The following TMEM132C variants were observed in gnomAD, a reference collection of about 807,000 sequenced individuals.
The protein encoded by TMEM132C is transmembrane protein 132C.
In TMEM132C, 29 loss-of-function variants were observed where a neutral mutation model predicts 61.4. That is an observed-to-expected ratio of 0.47 (90% CI 0.35 to 0.64). The LOEUF is 0.64. Among genes scored for constraint, TMEM132C ranks in the 30% least tolerant of loss-of-function variants. The pLI is 0.00. For missense variants in TMEM132C, 1,408 were observed against 1,476.9 expected, an observed-to-expected ratio of 0.95 and a Z score of 0.76; for synonymous variants, 656 against 633.1, an observed-to-expected ratio of 1.04 and a Z score of -0.54.
At chr12:128,550,707 A>G (rs924038505) in intron 3 of TMEM132C, among the ~76,000 whole-genome samples, 7 of 152,186 alleles carry the variant, frequency 4.6e-5, no homozygotes, top group Admixed American at 6.5e-5. Flanking sequence ...CTCCAAATAT[A>G]GTCACACTGG....
intron 1 of TMEM132C, among the ~76,000 whole-genome samples, chr12:128,347,707 C>T (rs771826909): frequency 1.3e-5 from 2 of 152,182 alleles, no homozygotes; most frequent in Non-Finnish European, 2.9e-5. Context: ...GGATTACAGG[C>T]GTGAGCCACC....
chr12:128,293,416 C>T (rs901983198), intron 1 of TMEM132C, among the ~76,000 whole-genome samples: 12 of 152,158 alleles, frequency 7.9e-5, no homozygotes, highest in Admixed American at 7.9e-4. Context: ...CTTAGTTGTA[C>T]ACACCACCCA....
chr12:128,636,228 T>A (rs115773205), intron 4 of TMEM132C, among the ~76,000 whole-genome samples: 3,132 of 151,704 alleles, frequency 0.021, 117 homozygotes, highest in African/African-American at 0.072. Flanking sequence ...TTTTTTAAAA[T>A]TTTTTTTAGA....
At chr12:128,388,718 G>A (rs1002426272) in intron 1 of TMEM132C, among the ~76,000 whole-genome samples, 3 of 152,262 alleles carry the variant, frequency 2.0e-5, no homozygotes, top group Non-Finnish European at 4.4e-5. Flanking sequence ...CTCCAAGGAG[G>A]CTTGGGCCGT....
chr12:128,344,832 A>G (rs2630224), intron 1 of TMEM132C, among the ~76,000 whole-genome samples: 130,704 of 152,024 alleles, frequency 0.86, 57,654 homozygotes, highest in East Asian at 1. Context: ...AGATCTAGAT[A>G]TCCAAATTGT....
intron 7 of TMEM132C, among the ~76,000 whole-genome samples, chr12:128,696,384 C>G (rs1954764258): frequency 1.3e-5 from 2 of 152,188 alleles, no homozygotes. Context: ...TCTGATTCTC[C>G]TTCTTAGTCC....
Position 128,473,578 on chromosome 12 carries a change from A to G in TMEM132C, c.974+57958A>G, listed in dbSNP as rs867936413. ...CATCTTCATCCTTACTCCAGCCTCT[A>G]TTTTCATCTTCACTCCAGCCTCTAT... On this transcript the variant is annotated intron_variant, in intron 2 of 8. Transcript: ENST00000435159. Among the ~76,000 whole-genome samples, 442 of 112,900 alleles carry G rather than the reference A, an allele frequency of 3.9e-3. 2 individuals carry two copies. The Middle Eastern group carries it at 0.047, about 12-fold the overall frequency. The allele number at this position is 112,900 out of a possible 152,430, so 74.1% of individuals were successfully genotyped here.
Position 128,298,289 on chromosome 12 carries a change from C to T in TMEM132C, c.85+30802C>T, listed in dbSNP as rs932721383. On this transcript the variant is annotated intron_variant, in intron 1 of 8. Coordinates refer to ENST00000435159, the MANE Select transcript of TMEM132C (RefSeq NM_001136103.3). The stretch of plus-strand genomic sequence containing the variant: ...CCAGCCTCAGGTTCTCCCGCCCTCT[C>T]CTCCCCCGGGCCATGTGCATTGTGT... Among the ~76,000 whole-genome samples the T allele has an allele frequency of 7.2e-4, 110 of 152,344 alleles. 1 individual carries two copies. Among genetic ancestry groups the T allele is most frequent in the African/African-American group, 2.6e-3 (107 of 41,580 alleles).
rs1873576496 is a variant in TMEM132C at position 128,358,081 on chromosome 12, A to C, written c.86-56651A>C. On this transcript the variant is annotated intron_variant, in intron 1 of 8. Transcript: ENST00000435159. ...CTGTGGGGAGAGACCCCTGTGAGCCATTCGAGGTTTGAATCCCCTCTGGGG... is the reference window on the plus strand; with the variant it reads ...CTGTGGGGAGAGACCCCTGTGAGCCCTTCGAGGTTTGAATCCCCTCTGGGG... 2.6e-5 allele frequency among the ~76,000 whole-genome samples: 4 copies of C among 151,998 alleles called. No individual in the cohort carries two copies. In the South Asian group the frequency reaches 8.3e-4, roughly 32 times the overall value.
chr12:128,344,935 TTTTTTTTA>T (rs1218817462), intron 1 of TMEM132C, among the ~76,000 whole-genome samples: 1 of 151,412 alleles, frequency 6.6e-6, no homozygotes, highest in Non-Finnish European at 1.5e-5. Flanking sequence ...CTTTTTTTTT[TTTTTTTTA>T]AATTTCCAGC....
At chr12:128,327,167 A>G (rs1872548049) in intron 1 of TMEM132C, among the ~76,000 whole-genome samples, 1 of 150,026 alleles carries the variant, frequency 6.7e-6, no homozygotes, top group Admixed American at 6.6e-5. Context: ...AGATTGCTTA[A>G]TAAGGAAGAC....
At chr12:128,518,200 T>G (rs1466053336) in intron 2 of TMEM132C, among the ~76,000 whole-genome samples, 2 of 152,252 alleles carry the variant, frequency 1.3e-5, no homozygotes, top group Non-Finnish European at 2.9e-5. Flanking sequence ...GGCCACTGAT[T>G]TATTTGTGCA....
chr12:128,507,398 CTTTCTT>C (rs1653008143), intron 2 of TMEM132C, among the ~76,000 whole-genome samples: 2 of 106,542 alleles, frequency 1.9e-5, no homozygotes, highest in African/African-American at 3.9e-5. Flanking sequence ...TTTTTTTTTT[CTTTCTT>C]TTTTTTTTTT....
chr12:128,391,431 C>A (rs1251925293), intron 1 of TMEM132C, among the ~76,000 whole-genome samples: 1 of 152,180 alleles, frequency 6.6e-6, no homozygotes, highest in African/African-American at 2.4e-5. Flanking sequence ...CATGTATTCC[C>A]CTCAGGAAAG....
intron 1 of TMEM132C, among the ~76,000 whole-genome samples, chr12:128,273,680 C>A (rs1302634906): frequency 1.3e-5 from 2 of 152,042 alleles, no homozygotes; most frequent in African/African-American, 2.4e-5. Context: ...CCACTATTGG[C>A]TTATTATTTA....
intron 3 of TMEM132C, among the ~76,000 whole-genome samples, chr12:128,544,665 A>C (rs563550648): frequency 4.6e-5 from 7 of 152,326 alleles, no homozygotes; most frequent in Non-Finnish European, 8.8e-5. Flanking sequence ...ATGTGCCAAT[A>C]TCCTTCCTAC....
intron 1 of TMEM132C, among the ~76,000 whole-genome samples, chr12:128,279,314 TC>T (rs1243197643): frequency 6.6e-5 from 10 of 152,168 alleles, no homozygotes; most frequent in African/African-American, 2.4e-4. Context: ...CTGCTAATCC[TC>T]TAGAGACAGT....
intron 2 of TMEM132C, among the ~76,000 whole-genome samples, chr12:128,434,151 C>T (rs925816497): frequency 6.6e-6 from 1 of 152,186 alleles, no homozygotes; most frequent in African/African-American, 2.4e-5. Context: ...AACTAAAATG[C>T]CTTCAGCTGC....
rs572497851 is a variant in TMEM132C, at chr12:128,704,833, T to A, written c.2122-257T>A. On this transcript the variant is annotated intron_variant, in intron 8 of 8. Transcript: ENST00000435159. ...CCCGGAGCCTCATCTCACTTAGGGATTTTTGTTTTGCCATTTGTTTGTTCT... is the reference window on the plus strand; with the variant it reads ...CCCGGAGCCTCATCTCACTTAGGGAATTTTGTTTTGCCATTTGTTTGTTCT... Among the ~76,000 whole-genome samples the A allele has an allele frequency of 1.1e-4, 16 of 152,230 alleles. No individual in the cohort carries two copies. The South Asian group carries it at 3.1e-3, about 30-fold the overall frequency.
Sources: gnomAD v4.1 joint callset for allele counts (sites outside exome capture counted in the v4.1 genomes callset) on GRCh38, gnomAD v4.1.1 for gene constraint, MANE v1.5 for transcripts, NCBI Gene and HGNC (gene_info 2026-07-23, HGNC 2026-07-21) for gene names.